The following MED12L variants were observed in gnomAD, a reference collection of about 807,000 sequenced individuals.
MED12L encodes mediator of RNA polymerase II transcription subunit 12-like protein.
A neutral mutation model predicts 281.3 loss-of-function variants in MED12L; 60 were observed. The ratio of observed to expected loss-of-function variants is 0.21; its 90% CI spans 0.17 to 0.26. MED12L has a LOEUF of 0.26. Ranked by LOEUF, MED12L falls within the 10% of genes least tolerant of loss-of-function variation. The pLI, the probability that MED12L is intolerant of heterozygous loss-of-function variation, is 1.00. For synonymous variants in MED12L, 974 were observed against 987.2 expected (o/e 0.99, Z 0.25); for missense variants, 2,146 against 2,680.9 (o/e 0.80, Z 4.41).
chr3:151,221,023 A>G (rs1369510492), intron 16 of MED12L, among the ~76,000 whole-genome samples: 1 of 152,246 alleles, frequency 6.6e-6, no homozygotes, highest in Non-Finnish European at 1.5e-5. Flanking sequence ...GATAAAGTCC[A>G]GGGTGAGGTG....
chr3:151,247,624 G>T (rs548210223), intron 16 of MED12L, among the ~76,000 whole-genome samples: 35 of 119,384 alleles, frequency 2.9e-4, no homozygotes, highest in African/African-American at 9.5e-4. Context: ...GGGTCGGGGA[G>T]GGGGGAGGGA....
chr3:151,416,286 G>A (rs1560142441), intron 42 of MED12L, 26 bp from the exon 43 acceptor site: 2 of 1,612,546 alleles, frequency 1.2e-6, no homozygotes, highest in South Asian at 2.2e-5. Flanking sequence ...CCTTTTAAGT[G>A]TATAACATTT....
At chr3:151,216,532 AT>A (rs1343639807) in intron 16 of MED12L, among the ~76,000 whole-genome samples, 5 of 152,180 alleles carry the variant, frequency 3.3e-5, no homozygotes, top group Non-Finnish European at 7.4e-5. Context: ...CCTTTCCCAT[AT>A]GCTTTCCTTT....
At chr3:151,122,389 G>C (rs982909808) in intron 3 of MED12L, among the ~76,000 whole-genome samples, 4 of 151,954 alleles carry the variant, frequency 2.6e-5, no homozygotes, top group African/African-American at 9.7e-5. Context: ...TGATTACCGA[G>C]TGATTACTAG....
At chr3:151,102,119 G>A (rs1173914896) in intron 2 of MED12L, among the ~76,000 whole-genome samples, 4 of 152,124 alleles carry the variant, frequency 2.6e-5, no homozygotes, top group Admixed American at 2.6e-4. Context: ...CTTCTAACTG[G>A]CATTAACTGA....
intron 25 of MED12L, among the ~76,000 whole-genome samples, chr3:151,368,689 T>TATTTTATTTC: frequency 2.4e-5 from 1 of 42,008 alleles, no homozygotes; most frequent in Non-Finnish European, 4.4e-5. Context: ...CATTTCATTT[T>TATTTTATTTC]ATTTCATTTC....
At chr3:151,338,463 C>T in intron 16 of MED12L, 1 of 1,613,852 alleles carries the variant, frequency 6.2e-7, no homozygotes, top group East Asian at 2.2e-5. Context: ...TTTAAATGGC[C>T]TGGTGGTCTT....
At position 151,112,282 on chromosome 3, in the gene MED12L, CTT is replaced by C. The variant is rs11330453; in HGVS notation, c.100-4041_100-4040del. 3.5e-3 allele frequency among the ~76,000 whole-genome samples: 467 copies of C among 133,328 alleles called. 2 individuals are homozygous for C. Among genetic ancestry groups the C allele is most frequent in the African/African-American group, 0.011 (371 of 33,862 alleles). The allele number at this position is 133,328 out of a possible 152,430, so 87.5% of individuals were successfully genotyped here. Reference sequence around the variant, plus strand: ...AGCAAACATTTAACAATTTCTTTTTCTTTTTTTTTTTTTTTTGAGATGGAGTC... The same window carrying C: ...AGCAAACATTTAACAATTTCTTTTTCTTTTTTTTTTTTTTGAGATGGAGTC... On this transcript the variant is annotated intron_variant, in intron 2 of 44. Transcript: ENST00000687756.
intron 16 of MED12L, among the ~76,000 whole-genome samples, chr3:151,236,113 C>T (rs188607676): frequency 1.7e-4 from 26 of 152,236 alleles, no homozygotes; most frequent in Admixed American, 1.4e-3. Flanking sequence ...GAATTTATTT[C>T]TCTTGTTAAC....
chr3:151,126,654 T>A (rs1313874559), intron 4 of MED12L, among the ~76,000 whole-genome samples: 1 of 152,138 alleles, frequency 6.6e-6, no homozygotes, highest in Non-Finnish European at 1.5e-5. Flanking sequence ...AGTAAGAGTT[T>A]GGGACAGAGA....
At chr3:151,105,249 C>T (rs1478796570) in intron 2 of MED12L, among the ~76,000 whole-genome samples, 2 of 152,164 alleles carry the variant, frequency 1.3e-5, no homozygotes, top group Non-Finnish European at 1.5e-5. Context: ...CTTCCTTCAT[C>T]GCCTTCTTCC....
chr3:151,133,237 G>A (rs983250936), intron 5 of MED12L, among the ~76,000 whole-genome samples: 1 of 152,224 alleles, frequency 6.6e-6, no homozygotes, highest in Non-Finnish European at 1.5e-5. Context: ...GAGCTATAAA[G>A]CACTGCTGTT....
At chr3:151,389,695 G>T (rs1166528175) in intron 37 of MED12L, among the ~76,000 whole-genome samples, 1 of 152,246 alleles carries the variant, frequency 6.6e-6, no homozygotes, top group East Asian at 1.9e-4. Context: ...TTCAGTATTG[G>T]TATTCCTGAC....
At chr3:151,348,537 T>C (rs970995397) in intron 16 of MED12L, among the ~76,000 whole-genome samples, 2 of 151,320 alleles carry the variant, frequency 1.3e-5, no homozygotes, top group African/African-American at 4.9e-5. Context: ...GGATATTAAA[T>C]AAGAACAGCT....
chr3:151,325,929 G>A (rs1749539841), intron 16 of MED12L, among the ~76,000 whole-genome samples: 1 of 152,170 alleles, frequency 6.6e-6, no homozygotes, highest in Non-Finnish European at 1.5e-5. Context: ...TATGGATTTA[G>A]TGGCATCCCT....
At chr3:151,250,133 C>T (rs1736556045) in intron 16 of MED12L, among the ~76,000 whole-genome samples, 1 of 152,140 alleles carries the variant, frequency 6.6e-6, no homozygotes, top group Non-Finnish European at 1.5e-5. Flanking sequence ...TCCACTTTCC[C>T]ATTCACTCTG....
Position 151,414,032 on chromosome 3 carries a change from A to G in MED12L, c.6297+737A>G, listed in dbSNP as rs1326555635. Among the ~76,000 whole-genome samples, 8 of 151,986 alleles carry G rather than the reference A, an allele frequency of 5.3e-5. No homozygotes were observed. The East Asian group carries it at 1.5e-3, about 29-fold the overall frequency. ...CCCTGGCTAATTTTTTTGTATTTTT[A>G]GTAGAGACGGGTTTTTGCCATGTTG... On this transcript the variant is annotated intron_variant, in intron 42 of 44. Coordinates refer to ENST00000687756, the MANE Select transcript of MED12L (RefSeq NM_001393769.1).
chr3:151,307,061 T>G (rs1374396861), intron 16 of MED12L, among the ~76,000 whole-genome samples: 7 of 152,190 alleles, frequency 4.6e-5, no homozygotes, highest in Non-Finnish European at 1.0e-4. Flanking sequence ...TCCTGCATTT[T>G]TGTGGTAAAG....
At chr3:151,129,106 T>G (rs1714963927) in intron 5 of MED12L, among the ~76,000 whole-genome samples, 1 of 152,204 alleles carries the variant, frequency 6.6e-6, no homozygotes, top group Non-Finnish European at 1.5e-5. Flanking sequence ...GAAAACAGCT[T>G]ATGGTTTTGT....
Sources: gnomAD v4.1 joint callset for allele counts (sites outside exome capture counted in the v4.1 genomes callset) on GRCh38, gnomAD v4.1.1 for gene constraint, MANE v1.5 for transcripts, NCBI Gene and HGNC (gene_info 2026-07-23, HGNC 2026-07-21) for gene names.